Variants in SIPA1L2 observed in about 807,000 individuals in gnomAD.
SIPA1L2 encodes the protein signal induced proliferation associated 1 like 2.
Under a neutral mutation model 163.9 loss-of-function variants are expected in SIPA1L2, and 56 were observed. The observed-to-expected ratio is 0.34, with a 90% CI of 0.28 to 0.43. SIPA1L2 has a LOEUF of 0.43. SIPA1L2 is among the 20% of genes least tolerant of loss of function. The pLI is 1.00. For missense variants in SIPA1L2, 1,974 were observed against 2,193.5 expected, an observed-to-expected ratio of 0.90 and a Z score of 2.00; for synonymous variants, 877 against 865.7, an observed-to-expected ratio of 1.01 and a Z score of -0.23.
At chr1:232,569,173 T>C (rs1235496275) in intron 2 of SIPA1L2, among the ~76,000 whole-genome samples, 1 of 152,218 alleles carries the variant, frequency 6.6e-6, no homozygotes, top group Non-Finnish European at 1.5e-5. Context: ...GATAGTGTAA[T>C]ATGAAATAAA....
At chr1:232,448,510 C>T (rs1214469265) in intron 10 of SIPA1L2, among the ~76,000 whole-genome samples, 1 of 152,202 alleles carries the variant, frequency 6.6e-6, no homozygotes, top group Non-Finnish European at 1.5e-5. Context: ...AAAATCATCA[C>T]AACAGAACAA....
At chr1:232,419,845 C>T (rs1029297214) in intron 18 of SIPA1L2, among the ~76,000 whole-genome samples, 1 of 152,228 alleles carries the variant, frequency 6.6e-6, no homozygotes, top group Non-Finnish European at 1.5e-5. Context: ...ATACTTTTAT[C>T]ACTACCCCCA....
At chr1:232,455,456 A>T (rs192697685) in intron 10 of SIPA1L2, among the ~76,000 whole-genome samples, 2,773 of 152,182 alleles carry the variant, frequency 0.018, 40 homozygotes, top group Non-Finnish European at 0.025. Flanking sequence ...CTGAGGTGGG[A>T]GGATCACGAG....
At chr1:232,418,722 A>G (rs1481728764) in intron 18 of SIPA1L2, among the ~76,000 whole-genome samples, 1 of 152,250 alleles carries the variant, frequency 6.6e-6, no homozygotes, top group Admixed American at 6.5e-5. Context: ...AGGGAGCAGA[A>G]GCAAAGGACA....
At chr1:232,607,896 A>G (rs1662022014) in intron 1 of SIPA1L2, among the ~76,000 whole-genome samples, 1 of 151,898 alleles carries the variant, frequency 6.6e-6, no homozygotes, top group Non-Finnish European at 1.5e-5. Flanking sequence ...TTTCTACTAA[A>G]AATACAAAAT....
chr1:232,541,476 A>C (rs537812733), intron 2 of SIPA1L2, among the ~76,000 whole-genome samples: 1 of 152,298 alleles, frequency 6.6e-6, no homozygotes, highest in African/African-American at 2.4e-5. Context: ...AAGTGCAAGT[A>C]AGGCTTTCTT....
chr1:232,529,164 C>T (rs1392521479), intron 2 of SIPA1L2, among the ~76,000 whole-genome samples: 1 of 152,170 alleles, frequency 6.6e-6, no homozygotes, highest in East Asian at 1.9e-4. Context: ...ACACAGGTGT[C>T]TCAGTTGGGC....
At position 232,465,774 on chromosome 1, in the gene SIPA1L2, G is replaced by C. The variant is rs1664480628; in HGVS notation, c.2244-358C>G. On this transcript the variant is annotated intron_variant, in intron 8 of 22. Coordinates refer to ENST00000674635, the MANE Select transcript of SIPA1L2 (RefSeq NM_020808.5). The surrounding 1 kb of genome is among the most constrained non-coding windows in gnomAD (Gnocchi z 4.1). ...ATCTGGAGAAAGGACCCTTAAGGAG[G>C]TGGCTAAGTGAAACCATTCGGGTGG... Among the ~76,000 whole-genome samples the C allele has an allele frequency of 6.6e-6, 1 of 151,980 alleles. No homozygotes were observed. Among genetic ancestry groups the C allele is most frequent in the Non-Finnish European group, 1.5e-5 (1 of 68,014 alleles).
intron 2 of SIPA1L2, among the ~76,000 whole-genome samples, chr1:232,533,615 T>C (rs1657116484): frequency 6.6e-6 from 1 of 152,198 alleles, no homozygotes; most frequent in Non-Finnish European, 1.5e-5. Context: ...GGCAAAGTGT[T>C]GGTTAAATCA....
At chr1:232,581,799 C>G (rs1318659796) in intron 1 of SIPA1L2, among the ~76,000 whole-genome samples, 1 of 152,172 alleles carries the variant, frequency 6.6e-6, no homozygotes, top group Non-Finnish European at 1.5e-5. Context: ...TCCCTTCTAT[C>G]AAGACGTCCC....
intron 2 of SIPA1L2, among the ~76,000 whole-genome samples, chr1:232,564,234 TC>T (rs1321738014): frequency 2.2e-5 from 1 of 45,534 alleles, no homozygotes; most frequent in African/African-American, 1.3e-4. Flanking sequence ...TTTTTTTTTT[TC>T]GTGTGTGTGT....
At chr1:232,578,668 G>A (rs1201722480) in intron 1 of SIPA1L2, among the ~76,000 whole-genome samples, 2 of 152,156 alleles carry the variant, frequency 1.3e-5, no homozygotes, top group Non-Finnish European at 2.9e-5. Flanking sequence ...TTCTCTAGGA[G>A]AGACACTTGG....
At position 232,493,644 on chromosome 1, in the gene SIPA1L2, A is replaced by G. The variant is rs1666040168; in HGVS notation, c.1500T>C (p.Phe500=). 3 of 1,613,948 alleles carry G rather than the reference A, an allele frequency of 1.9e-6. No homozygotes were observed. The highest frequency in any genetic ancestry group is 1.3e-5 in the African/African-American group (1 of 74,894). ...FFYGKEHQNY[F]GIDENLGPVA... is the part of the protein sequence containing the mutation. Reference sequence around the variant, plus strand: ...CTGGACCAAGGTTTTCATCTATTCCAAAGTAGTTTTGGTGCTCTATAATGG... The same window carrying G: ...CTGGACCAAGGTTTTCATCTATTCCGAAGTAGTTTTGGTGCTCTATAATGG... The change falls in exon 4 of 23, where the codon TTT becomes TTC. Residue 500 remains phenylalanine, a synonymous_variant. Transcript: ENST00000674635.
In SIPA1L2 at chr1:232,513,994, T is replaced by C; in HGVS notation, c.1346A>G (p.His449Arg). 1 of 1,614,176 alleles carries C rather than the reference T, an allele frequency of 6.2e-7. No individual in the cohort carries two copies. The highest frequency in any genetic ancestry group is 8.5e-7 in the Non-Finnish European group (1 of 1,180,026). The change falls in exon 3 of 23, where the codon CAC becomes CGC. Residue 449 changes from histidine (H) to arginine (R), a missense_variant. His to Arg is a conservative substitution (Grantham distance 29). Around this residue, in one of 3 missense-constraint regions of SIPA1L2, gnomAD observed 607 missense variants for 624.0 expected, o/e 0.97. Transcript: ENST00000674635. ...GACGGAGACACCTGCATTTGTGCAG[T>C]GAGAGCTGAGTGACGATTCGAAAGA... The part of the protein sequence containing the change: ...SCSFESSLSS[H>R]CTNAGVSVLE...
intron 1 of SIPA1L2, among the ~76,000 whole-genome samples, chr1:232,590,580 C>T (rs898861962): frequency 2.6e-5 from 4 of 152,214 alleles, no homozygotes; most frequent in African/African-American, 9.6e-5. Flanking sequence ...CCCTAGCTCT[C>T]GGGCCCTACC....
intron 2 of SIPA1L2, among the ~76,000 whole-genome samples, chr1:232,557,103 G>A (rs1467393187): frequency 6.6e-6 from 1 of 152,168 alleles, no homozygotes; most frequent in African/African-American, 2.4e-5. Context: ...GAGGTGAGAG[G>A]CTGACACTGC....
At chr1:232,463,385 C>T (rs1664338634) in intron 9 of SIPA1L2, among the ~76,000 whole-genome samples, 3 of 152,228 alleles carry the variant, frequency 2.0e-5, no homozygotes, top group Admixed American at 2.0e-4. Flanking sequence ...TACCACTCTG[C>T]ATCAACCCTT....
In SIPA1L2 at chr1:232,550,936, A is replaced by G. The variant is rs150056689; in HGVS notation, c.-270+23238T>C. On this transcript the variant is annotated intron_variant, in intron 2 of 22. Transcript: ENST00000674635. Reference sequence around the variant, plus strand: ...TCTGGCTTAAAGCAGAGTGCCATTGAGGACAATGAAACAGAAACAGTGGAC... The same window carrying G: ...TCTGGCTTAAAGCAGAGTGCCATTGGGGACAATGAAACAGAAACAGTGGAC... Among the ~76,000 whole-genome samples, 3 of 152,336 alleles carry G rather than the reference A, an allele frequency of 2.0e-5. No homozygotes were observed. In the East Asian group the frequency reaches 5.8e-4, roughly 29 times the overall value.
chr1:232,466,810 C>A (rs1404104151), intron 8 of SIPA1L2, among the ~76,000 whole-genome samples: 2 of 151,886 alleles, frequency 1.3e-5, no homozygotes, highest in African/African-American at 4.8e-5. Flanking sequence ...AAAACAGAAA[C>A]AAAAACAAAA....
Sources: gnomAD v4.1 joint callset for allele counts (sites outside exome capture counted in the v4.1 genomes callset) on GRCh38, gnomAD v4.1.1 for gene constraint, gnomAD v4.1.1 regional missense constraint, Gnocchi (gnomAD v3.1) non-coding constraint, MANE v1.5 for transcripts, NCBI Gene and HGNC (gene_info 2026-07-23, HGNC 2026-07-21) for gene names.